Variants in FH observed in about 807,000 individuals in gnomAD.
The protein encoded by FH is fumarate hydratase.
In FH, 22 loss-of-function variants were observed where a neutral mutation model predicts 49.4. That is an observed-to-expected ratio of 0.45 (90% CI 0.32 to 0.64). The LOEUF (loss-of-function observed/expected upper bound fraction) is 0.64. Ranked by LOEUF, FH falls within the 30% of genes least tolerant of loss-of-function variation. FH has a pLI of 0.05. For missense variants in FH, 526 were observed against 641.5 expected, an observed-to-expected ratio of 0.82 and a Z score of 1.95; for synonymous variants, 208 against 223.0, an observed-to-expected ratio of 0.93 and a Z score of 0.60.
chr1:241,512,066 A>G lies in FH; in HGVS notation c.456T>C (p.Asn152=), dbSNP rs876658403. ...QTGSGTQTNM[N]VNEVISNRAI... ...CTCTATTGCTAATGACTTCATTTAC[A>G]TTCATATTTGTCTGAGTTCCTGATC... Residue 152 remains asparagine, a synonymous_variant, in exon 4 of 10, where the codon AAT becomes AAC. Coordinates refer to ENST00000366560, the MANE Select transcript of FH (RefSeq NM_000143.4). 2.5e-6 allele frequency: 4 copies of G among 1,613,860 alleles called. No homozygotes were observed. The African/African-American group carries it at 5.3e-5, about 22-fold the overall frequency.
intron 5 of FH, among the ~76,000 whole-genome samples, chr1:241,506,407 T>A (rs1659931486): frequency 6.6e-6 from 1 of 152,190 alleles, no homozygotes; most frequent in African/African-American, 2.4e-5. Flanking sequence ...TTTATTATAA[T>A]CTAGTCTTTT....
intron 4 of FH, among the ~76,000 whole-genome samples, chr1:241,510,961 G>C (rs879448008): frequency 4.6e-5 from 7 of 152,024 alleles, no homozygotes; most frequent in Admixed American, 3.9e-4. Flanking sequence ...CAATGAGAAG[G>C]GCCCTTTATT....
chr1:241,502,718 A>G, intron 7 of FH, 148 bp from the exon 8 acceptor site: 1 of 943,678 alleles, frequency 1.1e-6, no homozygotes, highest in Non-Finnish European at 1.7e-6. Flanking sequence ...AAACCAACCA[A>G]GGAAGGTGGG....
At chr1:241,515,683 T>C (rs79867196) in intron 2 of FH, among the ~76,000 whole-genome samples, 2,482 of 152,364 alleles carry the variant, frequency 0.016, 34 homozygotes, top group Non-Finnish European at 0.028. Context: ...GGATGAAGCC[T>C]ATCTACTTCT....
intron 3 of FH, among the ~76,000 whole-genome samples, chr1:241,512,956 T>A (rs1207520512): frequency 1.3e-5 from 2 of 151,826 alleles, no homozygotes; most frequent in Non-Finnish European, 2.9e-5. Context: ...AAACACACAC[T>A]TTCTGTTCAT....
intron 4 of FH, among the ~76,000 whole-genome samples, chr1:241,509,998 T>A (rs1321589459): frequency 2.0e-5 from 3 of 152,316 alleles, no homozygotes; most frequent in East Asian, 3.9e-4. Context: ...TACATAATTA[T>A]CAACATGTAG....
chr1:241,511,635 T>A (rs1041974311), intron 4 of FH, among the ~76,000 whole-genome samples: 1 of 152,126 alleles, frequency 6.6e-6, no homozygotes, highest in Non-Finnish European at 1.5e-5. Context: ...GTACCATGGT[T>A]ACATAAGATG....
chr1:241,508,164 G>A (rs946700915), intron 5 of FH, among the ~76,000 whole-genome samples: 8 of 152,260 alleles, frequency 5.3e-5, no homozygotes, highest in Admixed American at 3.3e-4. Flanking sequence ...AGATGACAGC[G>A]ATGACGGTGG....
At chr1:241,506,287 A>C in intron 5 of FH, 119 bp from the exon 6 acceptor site, 1 of 762,212 alleles carries the variant, frequency 1.3e-6, no homozygotes, top group Non-Finnish European at 2.1e-6. Context: ...TTACAAGCTA[A>C]TCAAGTTTTA....
chr1:241,512,910 GGTGT>G (rs10548903), intron 3 of FH, among the ~76,000 whole-genome samples: 48 of 148,338 alleles, frequency 3.2e-4, no homozygotes, highest in East Asian at 4.0e-4. Context: ...ATGCAATGAG[GGTGT>G]GTGTGTGTGT....
At chr1:241,512,226 C>A in intron 3 of FH, 83 bp from the exon 4 acceptor site, 1 of 1,226,070 alleles carries the variant, frequency 8.2e-7, no homozygotes, top group Non-Finnish European at 1.2e-6. Context: ...ACAGTTGACC[C>A]ACATATCTAA....
In FH at chr1:241,501,837, C is replaced by T. The variant is rs576527550; in HGVS notation, c.1236+606G>A. 3.3e-5 allele frequency among the ~76,000 whole-genome samples: 5 copies of T among 151,956 alleles called. No individual in the cohort carries two copies. The East Asian group carries it at 7.7e-4, about 23-fold the overall frequency. ...ATGCATCTATCGATCTTCGTAAAGA[C>T]GAAAGAAAAAGAACGGTTTGGGTGG... On this transcript the variant is annotated intron_variant, in intron 8 of 9. Coordinates refer to ENST00000366560, the MANE Select transcript of FH (RefSeq NM_000143.4).
At chr1:241,499,368 T>C (rs922179858) in intron 9 of FH, among the ~76,000 whole-genome samples, 1 of 152,208 alleles carries the variant, frequency 6.6e-6, no homozygotes, top group Non-Finnish European at 1.5e-5. Flanking sequence ...TGGTAACACA[T>C]TCTGAAGTAA....
intron 4 of FH, among the ~76,000 whole-genome samples, chr1:241,511,548 G>A (rs1201791083): frequency 1.3e-5 from 2 of 151,774 alleles, no homozygotes; most frequent in African/African-American, 2.4e-5. Flanking sequence ...GAAAGCCTCA[G>A]TTTTTTGTTT....
At chr1:241,505,369 C>T (rs1659902739) in intron 6 of FH, among the ~76,000 whole-genome samples, 1 of 152,274 alleles carries the variant, frequency 6.6e-6, no homozygotes, top group East Asian at 1.9e-4. Flanking sequence ...TCTACATTTG[C>T]CAAACCCTAA....
rs1553340727 is a variant in FH, at chr1:241,500,602, T to TGAGAGAGTGAGAGA, written c.1237-13_1237-12insTCTCTCACTCTCTC. ...AACACATTTTTAATCTTTGAGTGAG[T>TGAGAGAGTGAGAGA]GAGAGAGAGAGAGAGAGAGAGAGAG... On this transcript the variant is annotated splice_polypyrimidine_tract_variant and intron_variant, in intron 8 of 9. Coordinates refer to ENST00000366560, the MANE Select transcript of FH (RefSeq NM_000143.4). 8.1e-6 allele frequency: 12 copies of TGAGAGAGTGAGAGA among 1,490,628 alleles called. No homozygotes were observed. In the African/African-American group the frequency reaches 1.4e-4, roughly 17 times the overall value. The allele number at this position is 1,490,628 out of a possible 1,614,324, so 92.3% of individuals were successfully genotyped here.
At chr1:241,503,890 T>C (rs1479414740) in intron 7 of FH, 152 bp downstream of exon 7, 10 of 812,542 alleles carry the variant, frequency 1.2e-5, no homozygotes, top group East Asian at 2.7e-5. Flanking sequence ...TGCCCAGCAG[T>C]CCTGACCAGA....
chr1:241,500,411 G>T, intron 9 of FH, 26 bp downstream of exon 9: 1 of 1,608,572 alleles, frequency 6.2e-7, no homozygotes, highest in Non-Finnish European at 8.5e-7. Flanking sequence ...CATTCAAAAT[G>T]ATATTATTAT....
intron 5 of FH, among the ~76,000 whole-genome samples, 171 bp from the exon 6 acceptor site, chr1:241,506,339 A>C (rs1232914078): frequency 6.6e-6 from 1 of 152,244 alleles, no homozygotes; most frequent in Non-Finnish European, 1.5e-5. Context: ...AGTATAGGGA[A>C]GGATGAGGGT....
Sources: allele counts gnomAD v4.1 joint callset (sites outside exome capture counted in the v4.1 genomes callset), GRCh38; gene constraint gnomAD v4.1.1; transcripts MANE v1.5; gene names NCBI Gene and HGNC (gene_info 2026-07-23, HGNC 2026-07-21).